CACNG4: variants seen among roughly 807,000 people sequenced by gnomAD.
CACNG4 encodes the protein calcium voltage-gated channel auxiliary subunit gamma 4, also known as voltage-dependent calcium channel gamma-4 subunit.
In CACNG4, 8 loss-of-function variants were observed where a neutral mutation model predicts 22.9. The observed-to-expected ratio is 0.35, with a 90% confidence interval of 0.21 to 0.63. The LOEUF (loss-of-function observed/expected upper bound fraction) is 0.63, where lower values mean the gene tolerates loss of function less well. CACNG4 is among the 30% of genes least tolerant of loss of function. The pLI is 0.72. For synonymous variants in CACNG4, 188 were observed against 191.9 expected, an observed-to-expected ratio of 0.98 and a Z score of 0.17; for missense variants, 357 against 455.4, an observed-to-expected ratio of 0.78 and a Z score of 1.97.
chr17:67,011,055 G>T (rs1402448557), intron 1 of CACNG4, among the ~76,000 whole-genome samples: 1 of 152,154 alleles, frequency 6.6e-6, no homozygotes, highest in South Asian at 2.1e-4. Context: ...TTTAAATTAT[G>T]GTAAAGTTCG....
chr17:66,991,484 C>T (rs968731234), intron 1 of CACNG4, among the ~76,000 whole-genome samples: 6 of 152,108 alleles, frequency 3.9e-5, no homozygotes, highest in Non-Finnish European at 8.8e-5. Context: ...CTATGCAGGT[C>T]GGTGGCAGAT....
intron 1 of CACNG4, among the ~76,000 whole-genome samples, chr17:66,981,761 C>T (rs1450603368): frequency 6.6e-6 from 1 of 152,196 alleles, no homozygotes; most frequent in Non-Finnish European, 1.5e-5. Context: ...AAAATAAGAG[C>T]AAATGCCTGC....
At chr17:67,018,293 A>G (rs1329181667) in intron 2 of CACNG4, 21 bp downstream of exon 2, 1 of 1,598,160 alleles carries the variant, frequency 6.3e-7, no homozygotes, top group Non-Finnish European at 8.6e-7. Flanking sequence ...GGAGGCCTGG[A>G]CTCTCTTTCT....
intron 1 of CACNG4, among the ~76,000 whole-genome samples, chr17:66,972,358 C>T (rs573923869): frequency 1.3e-5 from 2 of 152,114 alleles, no homozygotes; most frequent in Non-Finnish European, 2.9e-5. Flanking sequence ...ACACTGGGGC[C>T]GGATCCTCTG....
At chr17:66,993,415 A>G (rs1372486408) in intron 1 of CACNG4, among the ~76,000 whole-genome samples, 2 of 152,024 alleles carry the variant, frequency 1.3e-5, no homozygotes, top group African/African-American at 4.8e-5. Flanking sequence ...CCCAAAGAAG[A>G]GCTTCATCTT....
chr17:66,983,907 G>A (rs1404686414), intron 1 of CACNG4, among the ~76,000 whole-genome samples: 2 of 152,180 alleles, frequency 1.3e-5, no homozygotes, highest in African/African-American at 4.8e-5. Flanking sequence ...CAGGCAAAAC[G>A]AATGCAAGGC....
chr17:67,018,628 T>C (rs2035514480), intron 2 of CACNG4, among the ~76,000 whole-genome samples: 1 of 152,140 alleles, frequency 6.6e-6, no homozygotes, highest in Admixed American at 6.5e-5. Context: ...ATATAGGCTC[T>C]GCCCAGGCTG....
intron 1 of CACNG4, among the ~76,000 whole-genome samples, chr17:66,988,677 G>T (rs2143303020): frequency 6.6e-6 from 1 of 152,162 alleles, no homozygotes; most frequent in East Asian, 1.9e-4. Context: ...CGTCAGAGGG[G>T]TCTCTTTGCC....
At chr17:66,971,463 A>C (rs931586446) in intron 1 of CACNG4, among the ~76,000 whole-genome samples, 1 of 152,210 alleles carries the variant, frequency 6.6e-6, no homozygotes, top group Admixed American at 6.5e-5. Context: ...TGTATTAGAC[A>C]TGCAGGGCTC....
At chr17:66,974,283 G>A (rs1436525115) in intron 1 of CACNG4, among the ~76,000 whole-genome samples, 1 of 152,176 alleles carries the variant, frequency 6.6e-6, no homozygotes, top group Non-Finnish European at 1.5e-5. Context: ...TTCACAGGGG[G>A]CATACAATAA....
At chr17:66,968,873 G>C (rs1447830942) in intron 1 of CACNG4, among the ~76,000 whole-genome samples, 1 of 146,564 alleles carries the variant, frequency 6.8e-6, no homozygotes, top group African/African-American at 2.6e-5. Context: ...CAGTCTCTCT[G>C]TGTCACTATC....
intron 1 of CACNG4, among the ~76,000 whole-genome samples, chr17:66,968,867 C>T (rs973375746): frequency 1.4e-4 from 21 of 148,678 alleles, no homozygotes; most frequent in African/African-American, 5.0e-4. Context: ...GTTTCTCAGT[C>T]TCTCTGTGTC....
intron 1 of CACNG4, among the ~76,000 whole-genome samples, chr17:66,981,945 A>C (rs191192627): frequency 1.3e-5 from 2 of 152,110 alleles, no homozygotes; most frequent in Non-Finnish European, 2.9e-5. Flanking sequence ...ATAAAAAAAA[A>C]TTTTTAGAGA....
chr17:66,966,377 C>T (rs995829934), intron 1 of CACNG4, among the ~76,000 whole-genome samples: 2 of 152,144 alleles, frequency 1.3e-5, no homozygotes, highest in Non-Finnish European at 2.9e-5. Context: ...TTTTCGGTAA[C>T]CTTTCCCCGC....
At chr17:66,980,620 CTTTTTTTTTT>C (rs67051865) in intron 1 of CACNG4, among the ~76,000 whole-genome samples, 1 of 107,030 alleles carries the variant, frequency 9.3e-6, no homozygotes, top group African/African-American at 4.0e-5. Flanking sequence ...TGTGTAAATT[CTTTTTTTTTT>C]TTTTTTTTTT....
intron 1 of CACNG4, among the ~76,000 whole-genome samples, chr17:66,975,936 C>G (rs1351850758): frequency 2.0e-5 from 3 of 152,232 alleles, no homozygotes; most frequent in Non-Finnish European, 1.5e-5. Flanking sequence ...GCCAAGTGCC[C>G]TAGCCTGGCC....
chr17:67,005,917 A>G lies in CACNG4; in HGVS notation c.221-12272A>G, dbSNP rs141545351. 1.4e-3 allele frequency among the ~76,000 whole-genome samples: 211 copies of G among 152,322 alleles called. 1 individual carries two copies. The South Asian group carries it at 0.015, about 11-fold the overall frequency. ...TCTTCTGTTGGGTCTGAAACAGTGC[A>G]GCTCACGGCCCAGCATTCCTCAGGA... On this transcript the variant is annotated intron_variant, in intron 1 of 3. Transcript: ENST00000262138.
At chr17:67,016,746 C>T (rs770841045) in intron 1 of CACNG4, among the ~76,000 whole-genome samples, 1 of 152,114 alleles carries the variant, frequency 6.6e-6, no homozygotes, top group East Asian at 1.9e-4. Context: ...ATGGATAGGA[C>T]GTGGCGGCAA....
rs2035572929 is a variant in CACNG4 at position 67,027,130 on chromosome 17, G to A, written c.445+2130G>A. Among the ~76,000 whole-genome samples the A allele has an allele frequency of 6.6e-6, 1 of 152,198 alleles. No individual in the cohort carries two copies. The highest frequency in any genetic ancestry group is 1.5e-5 in the Non-Finnish European group (1 of 68,038). On this transcript the variant is annotated intron_variant, in intron 3 of 3. Coordinates refer to ENST00000262138, the MANE Select transcript of CACNG4 (RefSeq NM_014405.4). The surrounding 1 kb of genome is among the most constrained non-coding windows in gnomAD (Gnocchi z 4.3). ...CTGCTCCTGCGGAGGAGGCACACAG[G>A]CGGTCCAGCAGCTCAGGTGGCTTCC...
Sources: gnomAD v4.1 joint callset for allele counts (sites outside exome capture counted in the v4.1 genomes callset) on GRCh38, gnomAD v4.1.1 for gene constraint, Gnocchi (gnomAD v3.1) non-coding constraint, MANE v1.5 for transcripts, NCBI Gene and HGNC (gene_info 2026-07-23, HGNC 2026-07-21) for gene names.